The following BRAF variants were observed in gnomAD, a reference collection of about 807,000 sequenced individuals.
BRAF encodes the protein B-Raf proto-oncogene, serine/threonine kinase.
In BRAF, 16 loss-of-function variants were observed where a neutral mutation model predicts 104.6. The ratio of observed to expected loss-of-function variants is 0.15; its 90% CI spans 0.10 to 0.23. BRAF has a LOEUF of 0.23. Ranked by LOEUF, BRAF falls within the 10% of genes least tolerant of loss-of-function variation. The probability of loss-of-function intolerance (pLI) is 1.00; values close to 1 mark genes in which losing one functional copy is unlikely to be tolerated. For missense variants in BRAF, 541 were observed against 937.3 expected (o/e 0.58, Z 5.52); for synonymous variants, 310 against 341.6 (o/e 0.91, Z 1.02).
chr7:140,766,622 G>A (rs1000170856), intron 14 of BRAF, among the ~76,000 whole-genome samples: 3 of 151,592 alleles, frequency 2.0e-5, no homozygotes, highest in South Asian at 2.1e-4. Flanking sequence ...TCACTCTGTC[G>A]CCCTGGCTGG....
chr7:140,918,275 G>C (rs1817832828), intron 1 of BRAF, among the ~76,000 whole-genome samples: 1 of 152,132 alleles, frequency 6.6e-6, no homozygotes, highest in Non-Finnish European at 1.5e-5. Flanking sequence ...TTTTTCCATG[G>C]ACAGGGGTAG....
intron 7 of BRAF, chr7:140,799,911 G>C (rs1802906667): frequency 3.3e-6 from 1 of 302,342 alleles, no homozygotes; most frequent in Admixed American, 4.7e-5. Context: ...ATGATCTGTT[G>C]CATGATTTTT....
At chr7:140,837,458 C>T (rs529664725) in intron 2 of BRAF, among the ~76,000 whole-genome samples, 2 of 152,276 alleles carry the variant, frequency 1.3e-5, no homozygotes, top group Admixed American at 1.3e-4. Flanking sequence ...ACATACTTTG[C>T]GGCTCACAAC....
In BRAF at chr7:140,776,904, G is replaced by A. The variant is rs1057520453; in HGVS notation, c.1814+8C>T. The A allele has an allele frequency of 6.2e-7, 1 of 1,610,782 alleles. No individual in the cohort carries two copies. The highest frequency in any genetic ancestry group is 2.1e-4 in the Middle Eastern group (1 of 4,850). On this transcript the variant is annotated splice_region_variant and intron_variant, in intron 14 of 19. Coordinates refer to ENST00000644969, the MANE Select transcript of BRAF (RefSeq NM_001374258.1). ...TAATTTACAAGACATTTAACGAATG[G>A]AACTTACTCCATGCCCTGTGCAGTC...
chr7:140,775,802 A>G (rs1800286224), intron 14 of BRAF, among the ~76,000 whole-genome samples: 1 of 152,250 alleles, frequency 6.6e-6, no homozygotes. Context: ...GCTTGTAAAC[A>G]ATCTAAATTA....
intron 1 of BRAF, among the ~76,000 whole-genome samples, chr7:140,893,206 G>T (rs1453924314): frequency 6.6e-6 from 1 of 151,564 alleles, no homozygotes; most frequent in Non-Finnish European, 1.5e-5. Flanking sequence ...TGAGAAAAAA[G>T]TTATGCCTGC....
At chr7:140,841,119 CAAG>C (rs1807917826) in intron 2 of BRAF, among the ~76,000 whole-genome samples, 2 of 151,968 alleles carry the variant, frequency 1.3e-5, no homozygotes, top group African/African-American at 4.8e-5. Flanking sequence ...AAATGGCTAA[CAAG>C]AACATGAAAA....
At chr7:140,866,927 C>G (rs1422004142) in intron 1 of BRAF, among the ~76,000 whole-genome samples, 1 of 150,726 alleles carries the variant, frequency 6.6e-6, no homozygotes, top group Admixed American at 6.6e-5. Context: ...ATGATGCATT[C>G]AATGAAAAAA....
At chr7:140,878,853 AATATAT>A (rs1812552176) in intron 1 of BRAF, among the ~76,000 whole-genome samples, 1 of 152,100 alleles carries the variant, frequency 6.6e-6, no homozygotes, top group African/African-American at 2.4e-5. Context: ...GTACCCCAGA[AATATAT>A]ATAATCATTA....
chr7:140,747,447 C>G, intron 17 of BRAF: 1 of 1,287,470 alleles, frequency 7.8e-7, no homozygotes, highest in Non-Finnish European at 1.0e-6. Context: ...GGACAAAGCA[C>G]CTAAAATGCC....
At chr7:140,807,853 G>A (rs1274602492) in intron 5 of BRAF, 107 bp downstream of exon 5, 1 of 809,334 alleles carries the variant, frequency 1.2e-6, no homozygotes, top group Non-Finnish European at 2.0e-6. Context: ...CAGGTAAAAT[G>A]TCAGTTCCAA....
chr7:140,864,082 T>C (rs1416717948), intron 1 of BRAF, among the ~76,000 whole-genome samples: 1 of 152,144 alleles, frequency 6.6e-6, no homozygotes, highest in African/African-American at 2.4e-5. Context: ...TAATTATCAC[T>C]CTAGTGAAGA....
intron 2 of BRAF, among the ~76,000 whole-genome samples, chr7:140,839,683 T>C (rs1807726336): frequency 6.6e-6 from 1 of 152,082 alleles, no homozygotes; most frequent in Non-Finnish European, 1.5e-5. Flanking sequence ...TGAGCCGAGA[T>C]CATGCCACTA....
At chr7:140,790,232 A>G (rs955420196) in intron 8 of BRAF, among the ~76,000 whole-genome samples, 2 of 152,210 alleles carry the variant, frequency 1.3e-5, no homozygotes, top group Non-Finnish European at 2.9e-5. Context: ...CTATGGATTA[A>G]CCAAATTTTG....
intron 1 of BRAF, among the ~76,000 whole-genome samples, chr7:140,862,839 T>C (rs577896196): frequency 6.6e-6 from 1 of 152,314 alleles, no homozygotes; most frequent in Non-Finnish European, 1.5e-5. Context: ...TAAAAACCAC[T>C]AAATTGCACA....
rs998202273 is a variant in BRAF at position 140,776,536 on chromosome 7, C to G, written c.1814+376G>C. 2.0e-5 allele frequency among the ~76,000 whole-genome samples: 3 copies of G among 152,136 alleles called. No homozygotes were observed. In the South Asian group the frequency reaches 6.2e-4, roughly 32 times the overall value. ...ACTGACCATTTTGCAACCAAAAATA[C>G]GGGCACTCAGAGAAACTGATTTGAA... is the stretch of plus-strand genomic sequence containing the variant. On this transcript the variant is annotated intron_variant, in intron 14 of 19. Transcript: ENST00000644969.
intron 1 of BRAF, among the ~76,000 whole-genome samples, chr7:140,860,384 T>C (rs1810275809): frequency 1.4e-5 from 2 of 140,390 alleles, no homozygotes; most frequent in African/African-American, 5.6e-5. Flanking sequence ...ATCAAAGAAA[T>C]GCAATGAAAA....
chr7:140,911,747 T>A (rs1408410189), intron 1 of BRAF, among the ~76,000 whole-genome samples: 1 of 152,134 alleles, frequency 6.6e-6, no homozygotes, highest in African/African-American at 2.4e-5. Flanking sequence ...ACAGAAAAGA[T>A]GAAGAAAATT....
chr7:140,830,030 A>C (rs78839909), intron 3 of BRAF, among the ~76,000 whole-genome samples: 4,605 of 152,218 alleles, frequency 0.03, 105 homozygotes, highest in Non-Finnish European at 0.048. Flanking sequence ...ATACTTATTA[A>C]CTCTAGCTAT....
Sources: gnomAD v4.1 joint callset for allele counts (sites outside exome capture counted in the v4.1 genomes callset) on GRCh38, gnomAD v4.1.1 for gene constraint, MANE v1.5 for transcripts, NCBI Gene and HGNC (gene_info 2026-07-23, HGNC 2026-07-21) for gene names.